Variants in RSF1 observed in about 807,000 individuals in gnomAD.
RSF1 encodes the protein remodeling and spacing factor 1, also known as HBV pX-associated protein 8.
In RSF1, 13 loss-of-function variants were observed where a neutral mutation model predicts 145.2. The ratio of observed to expected loss-of-function variants is 0.09; its 90% CI spans 0.06 to 0.14. RSF1 has a LOEUF of 0.14. Ranked by LOEUF, RSF1 falls within the 10% of genes least tolerant of loss-of-function variation. The probability of loss-of-function intolerance (pLI) is 1.00; values close to 1 mark genes in which losing one functional copy is unlikely to be tolerated. For synonymous variants in RSF1, 577 were observed against 592.6 expected (o/e 0.97, Z 0.38); for missense variants, 1,517 against 1,718.2 (o/e 0.88, Z 2.07).
intron 5 of RSF1, among the ~76,000 whole-genome samples, chr11:77,721,256 G>A (rs1960934144): frequency 2.0e-5 from 3 of 152,116 alleles, no homozygotes; most frequent in Admixed American, 6.6e-5. Flanking sequence ...ACTGTTTCCA[G>A]CTTTTGACAT....
At chr11:77,758,765 T>C (rs778678447) in intron 2 of RSF1, among the ~76,000 whole-genome samples, 1 of 152,244 alleles carries the variant, frequency 6.6e-6, no homozygotes, top group African/African-American at 2.4e-5. Flanking sequence ...ATTAAAAATT[T>C]TGCCATTTGG....
intron 1 of RSF1, among the ~76,000 whole-genome samples, chr11:77,796,570 C>G (rs1218994693): frequency 6.6e-6 from 1 of 152,142 alleles, no homozygotes; most frequent in Admixed American, 6.5e-5. Flanking sequence ...CAGGCAAAAA[C>G]TGGAAGCATT....
At chr11:77,746,018 A>C (rs1184555419) in intron 3 of RSF1, among the ~76,000 whole-genome samples, 2 of 152,170 alleles carry the variant, frequency 1.3e-5, no homozygotes, top group Admixed American at 1.3e-4. Context: ...CTAAAGTATT[A>C]CATACTTTTC....
intron 1 of RSF1, among the ~76,000 whole-genome samples, chr11:77,808,564 C>T (rs1163619380): frequency 1.3e-4 from 9 of 71,290 alleles, no homozygotes; most frequent in East Asian, 5.2e-4. Context: ...GACGGAGTCT[C>T]GCTCTGTCGC....
At chr11:77,723,948 T>A (rs1234900411) in intron 5 of RSF1, among the ~76,000 whole-genome samples, 1 of 152,230 alleles carries the variant, frequency 6.6e-6, no homozygotes, top group Non-Finnish European at 1.5e-5. Context: ...TCTGTCTTCC[T>A]AGAATGGTTA....
At chr11:77,756,686 C>T (rs1948119479) in intron 2 of RSF1, among the ~76,000 whole-genome samples, 1 of 152,114 alleles carries the variant, frequency 6.6e-6, no homozygotes, top group Admixed American at 6.6e-5. Flanking sequence ...TCTCTAACAA[C>T]CCTTAGATTG....
the RSF1 span, chr11:77,869,181 C>A: frequency 8.6e-6 from 2 of 233,212 alleles, no homozygotes; most frequent in East Asian, 1.0e-4. Flanking sequence ...TCCTCTTTCC[C>A]TTTGTATTTG....
At chr11:77,867,212 G>A in the RSF1 span, among the ~76,000 whole-genome samples, 5 of 152,092 alleles carry the variant, frequency 3.3e-5, no homozygotes, top group South Asian at 2.1e-4. Flanking sequence ...ACTGGAAAAC[G>A]CTTCTTTCTC....
intron 5 of RSF1, among the ~76,000 whole-genome samples, chr11:77,720,888 C>CA (rs1349679372): frequency 1.3e-5 from 2 of 152,174 alleles, no homozygotes; most frequent in African/African-American, 4.8e-5. Flanking sequence ...TTTCAGAAGG[C>CA]AATTCGAATT....
chr11:77,789,544 C>T (rs552891794), intron 1 of RSF1, among the ~76,000 whole-genome samples: 6 of 152,248 alleles, frequency 3.9e-5, no homozygotes, highest in African/African-American at 9.6e-5. Flanking sequence ...AGCTGAGGCG[C>T]GAGCACCCCC....
At position 77,701,692 on chromosome 11, in the gene RSF1, C is replaced by A; in HGVS notation, c.1537G>T (p.Ala513Ser). 6.2e-7 allele frequency: 1 copy of A among 1,613,874 alleles called. No homozygotes were observed. The highest frequency in any genetic ancestry group is 8.5e-7 in the Non-Finnish European group (1 of 1,179,984). Residue 513 changes from alanine (A) to serine (S), a missense_variant, in exon 6 of 16, where the codon GCA (alanine) becomes TCA (serine). Coordinates refer to ENST00000308488, the MANE Select transcript of RSF1 (RefSeq NM_016578.4). ...EKETAPLRKDADSSISVLEIH... is the reference protein window; with the variant it reads ...EKETAPLRKDSDSSISVLEIH... ...TCTAAGACTGATATTGAACTATCTG[C>A]ATCTTTCCTCAAAGGGGCTGTTTCT...
At chr11:77,725,977 T>C (rs1488572477) in intron 4 of RSF1, among the ~76,000 whole-genome samples, 2 of 152,064 alleles carry the variant, frequency 1.3e-5, no homozygotes, top group African/African-American at 4.8e-5. Flanking sequence ...AGGAACAAAA[T>C]TACACAAAAA....
the RSF1 span, among the ~76,000 whole-genome samples, chr11:77,832,965 G>A: frequency 2.1e-3 from 78 of 37,736 alleles, 4 homozygotes; most frequent in African/African-American, 7.9e-3. Context: ...GTGTGTGTGT[G>A]TGTGTGTGTG....
At chr11:77,828,534 G>T in the RSF1 span, among the ~76,000 whole-genome samples, 6 of 151,682 alleles carry the variant, frequency 4.0e-5, no homozygotes, top group Non-Finnish European at 5.9e-5. Context: ...AGCCGGGTGG[G>T]GTAGTGGGCG....
At chr11:77,760,110 C>T (rs1031401973) in intron 2 of RSF1, among the ~76,000 whole-genome samples, 2 of 152,104 alleles carry the variant, frequency 1.3e-5, no homozygotes, top group African/African-American at 2.4e-5. Flanking sequence ...TACGTGTTCA[C>T]AGAAAAACTT....
At chr11:77,838,306 C>T in the RSF1 span, among the ~76,000 whole-genome samples, 1 of 152,082 alleles carries the variant, frequency 6.6e-6, no homozygotes, top group East Asian at 1.9e-4. Context: ...TGTGAACATA[C>T]CTTGTAGATA....
At chr11:77,808,889 A>C (rs907571481) in intron 1 of RSF1, among the ~76,000 whole-genome samples, 5 of 152,240 alleles carry the variant, frequency 3.3e-5, no homozygotes, top group African/African-American at 1.2e-4. Flanking sequence ...AAACTTTTAA[A>C]GTAAAAAGAG....
the RSF1 span, among the ~76,000 whole-genome samples, chr11:77,846,563 G>A: frequency 6.6e-6 from 1 of 152,138 alleles, no homozygotes; most frequent in Non-Finnish European, 1.5e-5. Flanking sequence ...AAAATTAGCC[G>A]GGTGTGGTGG....
At chr11:77,732,744 A>G (rs1445160189) in intron 4 of RSF1, among the ~76,000 whole-genome samples, 1 of 152,184 alleles carries the variant, frequency 6.6e-6, no homozygotes, top group African/African-American at 2.4e-5. Context: ...TTCTGCCATA[A>G]TTCTGAGGCC....
Sources: allele counts gnomAD v4.1 joint callset (sites outside exome capture counted in the v4.1 genomes callset), GRCh38; gene constraint gnomAD v4.1.1; transcripts MANE v1.5; gene names NCBI Gene and HGNC (gene_info 2026-07-23, HGNC 2026-07-21).